Variants in RAB23 observed in about 807,000 individuals in gnomAD.
RAB23 encodes ras-related protein Rab-23.
A neutral mutation model predicts 30.0 loss-of-function variants in RAB23; 15 were observed. That is an observed-to-expected ratio of 0.50 (90% confidence interval 0.33 to 0.77). The LOEUF (loss-of-function observed/expected upper bound fraction) is 0.77. Among genes scored for constraint, RAB23 ranks in the 30% least tolerant of loss-of-function variants. The pLI is 0.02. For synonymous variants in RAB23, 93 were observed against 94.0 expected (o/e 0.99, Z 0.06); for missense variants, 243 against 275.4 (o/e 0.88, Z 0.83).
chr6:57,205,220 GTATA>G (rs894090734), intron 3 of RAB23, among the ~76,000 whole-genome samples: 4 of 151,214 alleles, frequency 2.6e-5, no homozygotes, highest in African/African-American at 9.7e-5. Flanking sequence ...TTAAGTGTGT[GTATA>G]TATGTGTGTG....
At chr6:57,203,000 GTT>G (rs1170559704) in intron 3 of RAB23, among the ~76,000 whole-genome samples, 26 of 82,594 alleles carry the variant, frequency 3.1e-4, no homozygotes, top group East Asian at 1.3e-3. Context: ...AAGATAGGCT[GTT>G]TTTTTTTTTT....
In RAB23 at chr6:57,210,051, GA is replaced by G. The variant is rs143894243; in HGVS notation, c.155+174del. Among the ~76,000 whole-genome samples the G allele has an allele frequency of 0.026, 3,753 of 145,628 alleles. 165 individuals carry two copies. Among genetic ancestry groups the G allele is most frequent in the African/African-American group, 0.088 (3,493 of 39,798 alleles). On this transcript the variant is annotated intron_variant, in intron 2 of 6. Coordinates refer to ENST00000468148, the MANE Select transcript of RAB23 (RefSeq NM_016277.5). Reference sequence around the variant, plus strand: ...AAATGAAAGAAGGGAAGAGATGAAAGAAAAAAAAAAGGATAAAGTTACATAT... The same window carrying G: ...AAATGAAAGAAGGGAAGAGATGAAAGAAAAAAAAAGGATAAAGTTACATAT...
rs1343443402 is a variant in RAB23 at position 57,222,270 on chromosome 6, A to T, written c.-610T>A. ...GGGGTGGTGGGGCGCGGGAGTCTCG[A>T]CTCCCCTCATCTGTGGACCCGCCGC... is the stretch of plus-strand genomic sequence containing the variant. On this transcript the variant is annotated 5_prime_UTR_variant, in exon 1 of 7. Transcript: ENST00000468148. 1 of 151,680 alleles carries T rather than the reference A, an allele frequency of 6.6e-6. No homozygotes were observed. 9.4% of individuals were successfully genotyped at this position (151,680 alleles called of 1,614,324 possible). A position where few individuals can be genotyped will look rare whatever the true frequency, so the allele number is the denominator to read the frequency against.
Position 57,188,525 on chromosome 6 carries a change from AAAGAC to A in RAB23, c.*1931_*1935del, listed in dbSNP as rs1363880284. On this transcript the variant is annotated 3_prime_UTR_variant, in exon 7 of 7. Transcript: ENST00000468148. ...TATAACAAGTGATTTTTCTGCCAAT[AAAGAC>A]AAAAGACTATTTGTTGCAAAGTATT... 1 of 152,166 alleles carries A rather than the reference AAAGAC, an allele frequency of 6.6e-6. No individual in the cohort carries two copies. The highest frequency in any genetic ancestry group is 1.5e-5 in the Non-Finnish European group (1 of 68,004). 9.4% of individuals were successfully genotyped at this position (152,166 alleles called of 1,614,324 possible). A position where few individuals can be genotyped will look rare whatever the true frequency, so the allele number is the denominator to read the frequency against.
chr6:57,216,036 T>C (rs1043607246), intron 1 of RAB23, among the ~76,000 whole-genome samples: 1 of 152,210 alleles, frequency 6.6e-6, no homozygotes, highest in African/African-American at 2.4e-5. Context: ...TCCTTTAAAA[T>C]TACAATGCCA....
intron 1 of RAB23, among the ~76,000 whole-genome samples, chr6:57,217,198 T>C (rs1765876283): frequency 6.9e-6 from 1 of 144,016 alleles, no homozygotes; most frequent in African/African-American, 2.6e-5. Context: ...TTCAAAGTAG[T>C]AGTTACAAGG....
chr6:57,210,244 A>G lies in RAB23; in HGVS notation c.137T>C (p.Phe46Ser), dbSNP rs144837695. The G allele has an allele frequency of 6.2e-7, 1 of 1,613,988 alleles. No homozygotes were observed. The highest frequency in any genetic ancestry group is 8.5e-7 in the Non-Finnish European group (1 of 1,179,994). ...KDYKKTIGVD[F>S]LERQIQVNDE... Reference sequence around the variant, plus strand: ...TACTTACTGAATTTGTCGCTCCAAAAAATCAACTCCAATGGTTTTCTTGTA... The same window carrying G: ...TACTTACTGAATTTGTCGCTCCAAAGAATCAACTCCAATGGTTTTCTTGTA... Residue 46 changes from phenylalanine to serine, a missense_variant, in exon 2 of 7, where the codon TTT becomes TCT. Physicochemically the swap from Phe to Ser is radical, Grantham distance 155 (BLOSUM62 -2). Transcript: ENST00000468148.
At chr6:57,203,144 T>C (rs1457004094) in intron 3 of RAB23, among the ~76,000 whole-genome samples, 2 of 151,766 alleles carry the variant, frequency 1.3e-5, no homozygotes, top group African/African-American at 4.8e-5. Context: ...GTACTGAGAT[T>C]ACAGGTGTGC....
At position 57,190,568 on chromosome 6, in the gene RAB23, C is replaced by T. The variant is rs763116254; in HGVS notation, c.607G>A (p.Gly203Ser). 36 of 1,613,858 alleles carry T rather than the reference C, an allele frequency of 2.2e-5. 1 individual carries two copies. The highest frequency in any genetic ancestry group is 1.7e-4 in the Middle Eastern group (1 of 6,060). Residue 203 changes from glycine (G) to serine (S), a missense_variant, in exon 7 of 7, where the codon GGT becomes AGT. Physicochemically the swap from Gly to Ser is moderately conservative, Grantham distance 56. Coordinates refer to ENST00000468148, the MANE Select transcript of RAB23 (RefSeq NM_016277.5). ...VFNTSGGSHS[G>S]QNSGTLNGGD... Reference sequence around the variant, plus strand: ...CCATTGAGGGTACCTGAATTCTGACCGGAGTGACTTCCACCAGATGTATTA... The same window carrying T: ...CCATTGAGGGTACCTGAATTCTGACTGGAGTGACTTCCACCAGATGTATTA...
intron 4 of RAB23, among the ~76,000 whole-genome samples, chr6:57,195,202 A>G (rs1365034914): frequency 1.3e-5 from 2 of 152,184 alleles, no homozygotes; most frequent in East Asian, 3.8e-4. Flanking sequence ...TTTTCTTTGT[A>G]TAATATTTTA....
At chr6:57,205,346 G>A (rs1765423499) in intron 3 of RAB23, among the ~76,000 whole-genome samples, 1 of 151,918 alleles carries the variant, frequency 6.6e-6, no homozygotes, top group Admixed American at 6.6e-5. Flanking sequence ...TGTGATGAAC[G>A]AGCAGAATTT....
At chr6:57,193,024 T>A (rs1371091494) in intron 6 of RAB23, among the ~76,000 whole-genome samples, 1 of 152,128 alleles carries the variant, frequency 6.6e-6, no homozygotes, top group Non-Finnish European at 1.5e-5. Context: ...TTGAAGAGAA[T>A]CTGCATTTAC....
At position 57,189,198 on chromosome 6, in the gene RAB23, A is replaced by G. The variant is rs1367532521; in HGVS notation, c.*1263T>C. The G allele has an allele frequency of 6.6e-6, 1 of 152,158 alleles. No homozygotes were observed. Among genetic ancestry groups the G allele is most frequent in the Non-Finnish European group, 1.5e-5 (1 of 68,032 alleles). 9.4% of individuals were successfully genotyped at this position (152,158 alleles called of 1,614,324 possible). A position where few individuals can be genotyped will look rare whatever the true frequency, so the allele number is the denominator to read the frequency against. On this transcript the variant is annotated 3_prime_UTR_variant, in exon 7 of 7. Transcript: ENST00000468148. ...TGATTACATATTAAATCATTTTGTA[A>G]AAGAAATGATTCTGTATGTGGGACT...
At chr6:57,218,995 G>A (rs1419609742) in intron 1 of RAB23, among the ~76,000 whole-genome samples, 2 of 152,104 alleles carry the variant, frequency 1.3e-5, no homozygotes, top group Non-Finnish European at 2.9e-5. Context: ...TCTAGTCATT[G>A]TAATAGGAAA....
intron 1 of RAB23, among the ~76,000 whole-genome samples, chr6:57,211,339 C>T (rs149544312): frequency 4.6e-5 from 7 of 152,078 alleles, no homozygotes; most frequent in Non-Finnish European, 7.4e-5. Flanking sequence ...GCATGCCTGT[C>T]GTCCCAGCTA....
chr6:57,208,649 A>G (rs1350654797), intron 2 of RAB23, among the ~76,000 whole-genome samples: 1 of 149,222 alleles, frequency 6.7e-6, no homozygotes, highest in Non-Finnish European at 1.5e-5. Flanking sequence ...AAAAAAAAAA[A>G]GCGATTTACC....
chr6:57,218,915 G>C (rs1360841906), intron 1 of RAB23, among the ~76,000 whole-genome samples: 2 of 151,570 alleles, frequency 1.3e-5, no homozygotes, highest in Non-Finnish European at 2.9e-5. Context: ...AAGACAGACT[G>C]CTTTCCCCTC....
intron 4 of RAB23, 46 bp downstream of exon 4, chr6:57,196,404 C>T (rs1317561295): frequency 3.7e-6 from 6 of 1,606,630 alleles, no homozygotes; most frequent in Non-Finnish European, 4.3e-6. Flanking sequence ...GATGTCTTAA[C>T]TTTATAGAAT....
intron 3 of RAB23, among the ~76,000 whole-genome samples, chr6:57,198,705 T>C (rs541899536): frequency 6.6e-6 from 1 of 152,166 alleles, no homozygotes; most frequent in South Asian, 2.1e-4. Flanking sequence ...ATTTGTTCTT[T>C]ATCATAAAAC....
Sources: gnomAD v4.1 joint callset for allele counts (sites outside exome capture counted in the v4.1 genomes callset) on GRCh38, gnomAD v4.1.1 for gene constraint, MANE v1.5 for transcripts, NCBI Gene and HGNC (gene_info 2026-07-23, HGNC 2026-07-21) for gene names.